The following SPTBN1 variants were observed in gnomAD, a reference collection of about 807,000 sequenced individuals.
SPTBN1 encodes spectrin beta chain, non-erythrocytic 1.
In SPTBN1, 32 loss-of-function variants were observed where a neutral mutation model predicts 266.4. The observed-to-expected ratio is 0.12, with a 90% CI of 0.09 to 0.16. SPTBN1 has a LOEUF of 0.16. Ranked by LOEUF, SPTBN1 falls within the 10% of genes least tolerant of loss-of-function variation. The probability of loss-of-function intolerance (pLI) is 1.00; values close to 1 mark genes in which losing one functional copy is unlikely to be tolerated. For missense variants in SPTBN1, 2,296 were observed against 3,067.1 expected, an observed-to-expected ratio of 0.75 and a Z score of 5.94; for synonymous variants, 1,336 against 1,162.2, an observed-to-expected ratio of 1.15 and a Z score of -3.04.
At chr2:54,638,144 C>G (rs1378252624) in intron 18 of SPTBN1, among the ~76,000 whole-genome samples, 1 of 152,172 alleles carries the variant, frequency 6.6e-6, no homozygotes, top group Non-Finnish European at 1.5e-5. Flanking sequence ...CCATCACTAG[C>G]TGTATTTTAA....
At chr2:54,593,516 G>A (rs1338681879) in intron 2 of SPTBN1, among the ~76,000 whole-genome samples, 1 of 152,186 alleles carries the variant, frequency 6.6e-6, no homozygotes, top group Non-Finnish European at 1.5e-5. Flanking sequence ...GCTGCCTAGA[G>A]GTGGGGTCCT....
chr2:54,496,439 TA>T (rs10623542), intron 1 of SPTBN1, among the ~76,000 whole-genome samples: 4,495 of 126,290 alleles, frequency 0.036, 86 homozygotes, highest in Non-Finnish European at 0.046. Context: ...CTCCGTGTCT[TA>T]AAAAAAAAAA....
intron 26 of SPTBN1, among the ~76,000 whole-genome samples, chr2:54,652,059 C>A (rs371656658): frequency 6.6e-6 from 1 of 152,140 alleles, no homozygotes; most frequent in Non-Finnish European, 1.5e-5. Flanking sequence ...TCATAGACAT[C>A]TAAAAGCTCT....
chr2:54,574,282 A>G lies in SPTBN1; in HGVS notation c.149-24810A>G, dbSNP rs1218967995. Reference sequence around the variant, plus strand: ...GGCTTGGAGAGAATGCCATACAGTTATTAGTGTGGCGGAGCCGGCCTTTGC... The same window carrying G: ...GGCTTGGAGAGAATGCCATACAGTTGTTAGTGTGGCGGAGCCGGCCTTTGC... On this transcript the variant is annotated intron_variant, in intron 2 of 35. Coordinates refer to ENST00000356805, the MANE Select transcript of SPTBN1 (RefSeq NM_003128.3). 2.6e-5 allele frequency among the ~76,000 whole-genome samples: 4 copies of G among 152,258 alleles called. No individual in the cohort carries two copies. In the South Asian group the frequency reaches 8.3e-4, roughly 32 times the overall value.
intron 5 of SPTBN1, 35 bp from the exon 6 acceptor site, chr2:54,617,573 T>G: frequency 6.2e-7 from 1 of 1,604,090 alleles, no homozygotes; most frequent in Non-Finnish European, 8.5e-7. Flanking sequence ...ATGTGGTAAT[T>G]GTGTTGCTTT....
At chr2:54,662,293 C>G (rs60293507) in intron 32 of SPTBN1, 1 of 985,268 alleles carries the variant, frequency 1.0e-6, no homozygotes, top group Non-Finnish European at 1.2e-6. Flanking sequence ...CATTAAAATT[C>G]ATTTTGTTCC....
At chr2:54,472,646 G>T (rs1363499039) in intron 1 of SPTBN1, among the ~76,000 whole-genome samples, 1 of 151,956 alleles carries the variant, frequency 6.6e-6, no homozygotes, top group Admixed American at 6.6e-5. Context: ...AATGGGTCCT[G>T]TACAGACTTG....
At chr2:54,593,979 C>T (rs1293042893) in intron 2 of SPTBN1, among the ~76,000 whole-genome samples, 2 of 151,642 alleles carry the variant, frequency 1.3e-5, no homozygotes, top group Non-Finnish European at 2.9e-5. Context: ...GTTACAGGTG[C>T]GTGCCACCAT....
At chr2:54,641,295 G>T (rs75276748) in intron 18 of SPTBN1, among the ~76,000 whole-genome samples, 16 of 151,264 alleles carry the variant, frequency 1.1e-4, no homozygotes, top group African/African-American at 2.4e-4. Context: ...TATGTAGCGC[G>T]CTCTCTCTCT....
intron 10 of SPTBN1, among the ~76,000 whole-genome samples, 174 bp downstream of exon 10, chr2:54,623,770 C>T (rs567778285): frequency 6.6e-6 from 1 of 152,244 alleles, no homozygotes; most frequent in African/African-American, 2.4e-5. Context: ...GCAATGGTAC[C>T]GGGTTAGGCT....
At chr2:54,641,481 G>C (rs558963327) in intron 18 of SPTBN1, among the ~76,000 whole-genome samples, 1 of 152,324 alleles carries the variant, frequency 6.6e-6, no homozygotes, top group Admixed American at 6.5e-5. Context: ...AATAGCCATA[G>C]TCTTTCAGAT....
At chr2:54,584,187 C>T (rs560261699) in intron 2 of SPTBN1, among the ~76,000 whole-genome samples, 3 of 152,224 alleles carry the variant, frequency 2.0e-5, no homozygotes, top group South Asian at 2.1e-4. Flanking sequence ...GGCCACTTTC[C>T]GAAGCCTGTA....
intron 2 of SPTBN1, among the ~76,000 whole-genome samples, chr2:54,557,425 AG>A (rs1395027136): frequency 1.3e-5 from 2 of 149,074 alleles, no homozygotes; most frequent in African/African-American, 5.0e-5. Context: ...GAGAGGGGGG[AG>A]ATCTAGAGTC....
chr2:54,571,462 G>C (rs1406038333), intron 2 of SPTBN1, among the ~76,000 whole-genome samples: 1 of 151,954 alleles, frequency 6.6e-6, no homozygotes, highest in Non-Finnish European at 1.5e-5. Context: ...CACATCCGGG[G>C]AATCTTCCTC....
At chr2:54,485,221 T>C (rs1187834018) in intron 1 of SPTBN1, among the ~76,000 whole-genome samples, 17 of 151,718 alleles carry the variant, frequency 1.1e-4, no homozygotes, top group Admixed American at 9.8e-4. Context: ...TCTCTTTCCA[T>C]GGTCTCCCTC....
chr2:54,572,218 CCT>C (rs1470036896), intron 2 of SPTBN1, among the ~76,000 whole-genome samples: 1 of 152,120 alleles, frequency 6.6e-6, no homozygotes, highest in East Asian at 1.9e-4. Context: ...CTTTTTCCCC[CCT>C]TTCTTTTGAA....
Position 54,664,602 on chromosome 2 carries a change from C to T in SPTBN1, c.6570C>T (p.Ala2190=). The part of the protein sequence containing the change: ...LPAQSAATLP[A]RTQETPSAQM... Reference sequence around the variant, plus strand: ...CCCAGAGTGCCGCCACCTTACCAGCCAGAACCCAGGAGACACCTTCGGCCC... The same window carrying T: ...CCCAGAGTGCCGCCACCTTACCAGCTAGAACCCAGGAGACACCTTCGGCCC... The change falls in exon 33 of 36, where the codon GCC becomes GCT. Residue 2190 remains alanine (A), a synonymous_variant. Transcript: ENST00000356805. This position sits in a 1 kb window ranked among gnomAD's most constrained non-coding sequence, Gnocchi z 5.6. 1 of 1,614,188 alleles carries T rather than the reference C, an allele frequency of 6.2e-7. No individual in the cohort carries two copies. Among genetic ancestry groups the T allele is most frequent in the Non-Finnish European group, 8.5e-7 (1 of 1,180,042 alleles).
chr2:54,498,697 G>T (rs1669098210), intron 1 of SPTBN1, among the ~76,000 whole-genome samples: 1 of 152,116 alleles, frequency 6.6e-6, no homozygotes, highest in African/African-American at 2.4e-5. Flanking sequence ...TTTTCAAGAA[G>T]CTCCCATGCA....
At chr2:54,502,710 C>A (rs752584061) in intron 1 of SPTBN1, among the ~76,000 whole-genome samples, 1 of 152,134 alleles carries the variant, frequency 6.6e-6, no homozygotes, top group Non-Finnish European at 1.5e-5. Context: ...GTTGTTGTTT[C>A]TCCTTTTAGA....
Sources: gnomAD v4.1 joint callset for allele counts (sites outside exome capture counted in the v4.1 genomes callset) on GRCh38, gnomAD v4.1.1 for gene constraint, Gnocchi (gnomAD v3.1) non-coding constraint, MANE v1.5 for transcripts, NCBI Gene and HGNC (gene_info 2026-07-23, HGNC 2026-07-21) for gene names.